Variants in ANKAR observed in about 807,000 individuals in gnomAD.
ANKAR encodes the protein ankyrin and armadillo repeat-containing protein.
A neutral mutation model predicts 146.2 loss-of-function variants in ANKAR; 136 were observed. That is an observed-to-expected ratio of 0.93 (90% CI 0.81 to 1.07). The LOEUF (loss-of-function observed/expected upper bound fraction) is 1.07, where lower values mean the gene tolerates loss of function less well. Ranked by LOEUF, ANKAR falls within the 50% of genes least tolerant of loss-of-function variation. ANKAR has a pLI of 0.00. For synonymous variants in ANKAR, 500 were observed against 575.8 expected, an observed-to-expected ratio of 0.87 and a Z score of 1.88; for missense variants, 1,567 against 1,679.9, an observed-to-expected ratio of 0.93 and a Z score of 1.18.
intron 1 of ANKAR, chr2:189,675,886 GTTT>G (rs2033547593): frequency 6.6e-6 from 1 of 152,590 alleles, no homozygotes; most frequent in East Asian, 1.9e-4. Context: ...AGATCTGGTT[GTTT>G]AAGAGTAGAC....
At chr2:189,708,718 CA>C (rs2039292964) in intron 9 of ANKAR, among the ~76,000 whole-genome samples, 1 of 152,098 alleles carries the variant, frequency 6.6e-6, no homozygotes, top group South Asian at 2.1e-4. Context: ...AGGAAATAAC[CA>C]AATCGTAAGT....
chr2:189,702,239 A>G (rs2038178411), intron 7 of ANKAR, among the ~76,000 whole-genome samples: 2 of 152,162 alleles, frequency 1.3e-5, no homozygotes, highest in African/African-American at 4.8e-5. Flanking sequence ...GAGTATTTCA[A>G]AATGGTTCCT....
chr2:189,751,994 A>G (rs1323836206), intron 18 of ANKAR, among the ~76,000 whole-genome samples: 1 of 151,694 alleles, frequency 6.6e-6, no homozygotes. Context: ...AATACAAAAA[A>G]TGAGCTGGGC....
Position 189,676,155 on chromosome 2 carries a change from G to T in ANKAR, c.-35-301G>T, listed in dbSNP as rs78097632. 990 of 224,512 alleles carry T rather than the reference G, an allele frequency of 4.4e-3. 17 individuals are homozygous for T. The highest frequency in any genetic ancestry group is 0.021 in the African/African-American group (915 of 43,440). 13.9% of individuals were successfully genotyped at this position (224,512 alleles called of 1,614,324 possible). ...AGAATGCCTCTCCAACAACAAAATAGGTATGTAACAGTAGCTTCTCACAGA... is the reference window on the plus strand; with the variant it reads ...AGAATGCCTCTCCAACAACAAAATATGTATGTAACAGTAGCTTCTCACAGA... On this transcript the variant is annotated intron_variant, in intron 1 of 22. Coordinates refer to ENST00000684021, the MANE Select transcript of ANKAR (RefSeq NM_001378068.1).
Position 189,696,142 on chromosome 2 carries a change from A to T in ANKAR, c.1489-8A>T. 1 of 1,612,112 alleles carries T rather than the reference A, an allele frequency of 6.2e-7. No homozygotes were observed. The highest frequency in any genetic ancestry group is 8.5e-7 in the Non-Finnish European group (1 of 1,179,300). ...TTGATAAACTGATTCTGGCCTTCTT[A>T]ATTTTAGAGTATTCCATTTGGTATG... On this transcript the variant is annotated splice_region_variant and splice_polypyrimidine_tract_variant and intron_variant, in intron 6 of 22. Coordinates refer to ENST00000684021, the MANE Select transcript of ANKAR (RefSeq NM_001378068.1).
In ANKAR at chr2:189,733,172, T is replaced by A. The variant is rs747073633; in HGVS notation, c.3366T>A (p.His1122Gln). ...LGNDVLQKDL[H>Q]ENEGFEYADV... ...ATGATGTGTTACAGAAAGACTTACA[T>A]GAAAATGAAGGATTTGAATATGCTG... Residue 1122 changes from histidine (H) to glutamine (Q), a missense_variant, in exon 17 of 23, where the codon CAT becomes CAA. Transcript: ENST00000684021. 11 of 1,612,770 alleles carry A rather than the reference T, an allele frequency of 6.8e-6. No individual in the cohort carries two copies. The highest frequency in any genetic ancestry group is 9.3e-6 in the Non-Finnish European group (11 of 1,179,252).
chr2:189,741,398 A>ACAG lies in ANKAR; in HGVS notation c.3759_3760insGCA (p.Thr1253_Leu1254insAla). 6.2e-7 allele frequency: 1 copy of ACAG among 1,610,780 alleles called. No individual in the cohort carries two copies. Among genetic ancestry groups the ACAG allele is most frequent in the South Asian group, 1.1e-5 (1 of 90,602 alleles). ...AGCTGGTATCCCAGAAGCATTTACCACATTAGGAACAATCCAACGGCTCTG... is the reference window on the plus strand; with the variant it reads ...AGCTGGTATCCCAGAAGCATTTACCACAGCATTAGGAACAATCCAACGGCTCTG... On this transcript the variant is annotated inframe_insertion, in exon 20 of 23. Coordinates refer to ENST00000684021, the MANE Select transcript of ANKAR (RefSeq NM_001378068.1).
At position 189,718,764 on chromosome 2, in the gene ANKAR, A is replaced by G. The variant is rs2040869383; in HGVS notation, c.2225-808A>G. 3.8e-5 allele frequency among the ~76,000 whole-genome samples: 5 copies of G among 132,284 alleles called. No individual in the cohort carries two copies. The South Asian group carries it at 1.2e-3, about 31-fold the overall frequency. 86.8% of individuals were successfully genotyped at this position (132,284 alleles called of 152,430 possible). A position where few individuals can be genotyped will look rare whatever the true frequency, so the allele number is the denominator to read the frequency against. ...TATTTTCTTTTTTTTTTTTTTTGAG[A>G]CGGAGTCTCGCTCTGTCGCCCAGGC... On this transcript the variant is annotated intron_variant, in intron 10 of 22. Transcript: ENST00000684021.
intron 7 of ANKAR, among the ~76,000 whole-genome samples, chr2:189,698,997 A>C (rs116686096): frequency 0.01 from 1,585 of 152,134 alleles, 34 homozygotes; most frequent in African/African-American, 0.037. Context: ...ACCTTATATA[A>C]ATTTATTTAG....
At chr2:189,690,327 A>T (rs2036197249) in intron 3 of ANKAR, among the ~76,000 whole-genome samples, 1 of 152,218 alleles carries the variant, frequency 6.6e-6, no homozygotes, top group African/African-American at 2.4e-5. Flanking sequence ...GATATTTTTC[A>T]TTGAAGTATA....
intron 10 of ANKAR, among the ~76,000 whole-genome samples, chr2:189,718,459 C>T (rs2040828761): frequency 6.6e-6 from 1 of 152,050 alleles, no homozygotes. Flanking sequence ...TTATTGAACT[C>T]ACGTGAGATG....
intron 10 of ANKAR, among the ~76,000 whole-genome samples, chr2:189,714,366 G>A (rs1020406201): frequency 1.1e-4 from 17 of 152,144 alleles, no homozygotes; most frequent in Non-Finnish European, 2.2e-4. Context: ...TGGAAGTAAA[G>A]CACTCCTCAG....
chr2:189,685,247 T>C (rs78404422), intron 2 of ANKAR, among the ~76,000 whole-genome samples: 2,466 of 148,534 alleles, frequency 0.017, 68 homozygotes, highest in African/African-American at 0.058. Flanking sequence ...TTTCTTTTTC[T>C]TTTTTTTTTG....
intron 7 of ANKAR, among the ~76,000 whole-genome samples, chr2:189,697,822 CA>C (rs2037444878): frequency 6.6e-6 from 1 of 152,040 alleles, no homozygotes; most frequent in Non-Finnish European, 1.5e-5. Flanking sequence ...GCTTAACCAA[CA>C]CAAAATTGTC....
At chr2:189,727,547 G>A (rs1267519172) in intron 12 of ANKAR, among the ~76,000 whole-genome samples, 4 of 75,634 alleles carry the variant, frequency 5.3e-5, no homozygotes, top group Admixed American at 2.6e-4. Flanking sequence ...AAAAAAAAAA[G>A]GGTGGTGGGG....
At chr2:189,726,534 C>A (rs1163330386) in intron 12 of ANKAR, among the ~76,000 whole-genome samples, 2 of 152,096 alleles carry the variant, frequency 1.3e-5, no homozygotes, top group African/African-American at 4.8e-5. Flanking sequence ...GAGGAAAATT[C>A]TCTAAACTAA....
intron 18 of ANKAR, among the ~76,000 whole-genome samples, chr2:189,757,726 A>G (rs899066523): frequency 6.6e-6 from 1 of 152,216 alleles, no homozygotes; most frequent in Non-Finnish European, 1.5e-5. Flanking sequence ...GGCAAGAGTC[A>G]TATGTCTCAT....
Position 189,733,209 on chromosome 2 carries a change from C to G in ANKAR, c.3403C>G (p.Leu1135Val). 1.2e-6 allele frequency: 2 copies of G among 1,605,920 alleles called. No homozygotes were observed. Among genetic ancestry groups the G allele is most frequent in the Non-Finnish European group, 1.7e-6 (2 of 1,176,856 alleles). ...ATTTGAATATGCTGATGTCCTTTAT[C>G]TTCTTCACTCAACAGAAAAGGTAAT... is the stretch of plus-strand genomic sequence containing the variant. ...EGFEYADVLY[L>V]LHSTEKDICL... The change falls in exon 17 of 23, where the codon CTT becomes GTT. Residue 1135 changes from leucine (L) to valine (V), a missense_variant. Physicochemically the swap from Leu to Val is conservative, Grantham distance 32. Transcript: ENST00000684021.
At chr2:189,752,699 C>A in intron 18 of ANKAR, 3 of 1,613,874 alleles carry the variant, frequency 1.9e-6, no homozygotes, top group Non-Finnish European at 2.5e-6. Flanking sequence ...ATGCCCAAGC[C>A]AGCACGTAGT....
Sources: allele counts gnomAD v4.1 joint callset (sites outside exome capture counted in the v4.1 genomes callset), GRCh38; gene constraint gnomAD v4.1.1; transcripts MANE v1.5; gene names NCBI Gene and HGNC (gene_info 2026-07-23, HGNC 2026-07-21).